The following ZNF829 variants were observed in gnomAD, a reference collection of about 807,000 sequenced individuals.
ZNF829 encodes the protein zinc finger protein 829.
A neutral mutation model predicts 35.2 loss-of-function variants in ZNF829; 25 were observed. That is an observed-to-expected ratio of 0.71 (90% CI 0.52 to 0.99). The LOEUF is 0.99. Among genes scored for constraint, ZNF829 ranks in the 50% least tolerant of loss-of-function variants. The pLI, the probability that ZNF829 is intolerant of heterozygous loss-of-function variation, is 0.00. For missense variants in ZNF829, 417 were observed against 515.3 expected, an observed-to-expected ratio of 0.81 and a Z score of 1.85; for synonymous variants, 136 against 163.2, an observed-to-expected ratio of 0.83 and a Z score of 1.27.
chr19:36,914,663 A>C (rs904589611), intron 3 of ZNF829, among the ~76,000 whole-genome samples: 3 of 152,240 alleles, frequency 2.0e-5, no homozygotes, highest in African/African-American at 7.2e-5. Flanking sequence ...AAAATGTAGA[A>C]CATCAAATGG....
rs1424152806 is a variant in ZNF829 at position 36,890,428 on chromosome 19, A to G, written c.*1064T>C. The G allele has an allele frequency of 6.6e-6, 1 of 152,116 alleles. No homozygotes were observed. Among genetic ancestry groups the G allele is most frequent in the Non-Finnish European group, 1.5e-5 (1 of 68,062 alleles). The allele number at this position is 152,116 out of a possible 1,614,324, so 9.4% of individuals were successfully genotyped here. ...TCTTAGGTCTAGTAGTATCTGTGTTATGGATCTGGGTGTTGCAGTGTTGGG... is the reference window on the plus strand; with the variant it reads ...TCTTAGGTCTAGTAGTATCTGTGTTGTGGATCTGGGTGTTGCAGTGTTGGG... On this transcript the variant is annotated 3_prime_UTR_variant, in exon 6 of 6. Transcript: ENST00000391711.
At chr19:36,907,750 C>T in intron 5 of ZNF829, 179 bp downstream of exon 5, 1 of 515,180 alleles carries the variant, frequency 1.9e-6, no homozygotes, top group Non-Finnish European at 3.4e-6. Flanking sequence ...ATAATTATAG[C>T]ATAATTGTAG....
intron 5 of ZNF829, among the ~76,000 whole-genome samples, chr19:36,903,929 A>G (rs1305655733): frequency 6.6e-6 from 1 of 152,216 alleles, no homozygotes; most frequent in Non-Finnish European, 1.5e-5. Context: ...AAACTGATAC[A>G]TAAAAAAGAC....
chr19:36,914,371 G>A (rs2073288354), intron 3 of ZNF829, among the ~76,000 whole-genome samples: 1 of 152,068 alleles, frequency 6.6e-6, no homozygotes, highest in South Asian at 2.1e-4. Context: ...ATCAATAAGA[G>A]CTATTCCAAG....
chr19:36,904,346 G>A (rs1036590099), intron 5 of ZNF829, among the ~76,000 whole-genome samples: 7 of 152,144 alleles, frequency 4.6e-5, no homozygotes, highest in Admixed American at 3.9e-4. Context: ...TTGATGAGAG[G>A]GACTGGGGCA....
intron 5 of ZNF829, chr19:36,902,112 A>C (rs2073171773): frequency 9.6e-6 from 4 of 416,888 alleles, no homozygotes; most frequent in Non-Finnish European, 8.7e-6. Context: ...AATGTGGATG[A>C]GAACTAATCA....
At chr19:36,912,012 C>T (rs1299834498) in intron 3 of ZNF829, among the ~76,000 whole-genome samples, 2 of 152,200 alleles carry the variant, frequency 1.3e-5, no homozygotes, top group Non-Finnish European at 2.9e-5. Context: ...CAAAAGAGAT[C>T]AACACCAAAA....
intron 3 of ZNF829, 59 bp from the exon 4 acceptor site, chr19:36,908,518 G>A: frequency 1.9e-6 from 3 of 1,548,554 alleles, no homozygotes; most frequent in Middle Eastern, 1.7e-4. Flanking sequence ...GGCGGTAGAG[G>A]TGGCAAGAAA....
chr19:36,892,917 T>C, intron 5 of ZNF829: 2 of 1,081,240 alleles, frequency 1.8e-6, no homozygotes, highest in Non-Finnish European at 2.4e-6. Context: ...AGGCAGGGGT[T>C]AAGCTGGAGG....
At chr19:36,899,758 CA>C (rs201383048) in intron 5 of ZNF829, among the ~76,000 whole-genome samples, 5,936 of 130,076 alleles carry the variant, frequency 0.046, 427 homozygotes, top group African/African-American at 0.16. Context: ...TTACCCTAAA[CA>C]AAAAAAAAAA....
At position 36,891,226 on chromosome 19, in the gene ZNF829, A is replaced by C. The variant is rs139624613; in HGVS notation, c.*266T>G. The C allele has an allele frequency of 5.7e-3, 1,907 of 337,460 alleles. 49 individuals carry two copies. Among genetic ancestry groups the C allele is most frequent in the Admixed American group, 0.043 (984 of 23,040 alleles). The allele number at this position is 337,460 out of a possible 1,614,324, so 20.9% of individuals were successfully genotyped here. A position where few individuals can be genotyped will look rare whatever the true frequency, so the allele number is the denominator to read the frequency against. ...CAGCTGTTAACAGAGGTTAGGAAAA[A>C]GGCATAGAACAGATCCTCAGAGTCC... On this transcript the variant is annotated 3_prime_UTR_variant, in exon 6 of 6. Transcript: ENST00000391711.
chr19:36,893,451 T>C (rs1254355983), intron 5 of ZNF829, among the ~76,000 whole-genome samples: 2 of 152,316 alleles, frequency 1.3e-5, no homozygotes, highest in Admixed American at 6.5e-5. Context: ...TGTCAACATA[T>C]AAACAGTGAG....
intron 5 of ZNF829, chr19:36,901,953 C>G: frequency 1.3e-6 from 1 of 757,338 alleles, no homozygotes. Context: ...CTCAACAAAG[C>G]TGTCTGGGCC....
In ZNF829 at chr19:36,914,264, C is replaced by T. The variant is rs968994475; in HGVS notation, c.96+701G>A. ...CAGCTTTTTAAAAATTAGAACTTAT[C>T]ATAAAATCATCTTACAGGAAATGAT... is the stretch of plus-strand genomic sequence containing the variant. On this transcript the variant is annotated intron_variant, in intron 3 of 5. Transcript: ENST00000391711. 2.0e-5 allele frequency among the ~76,000 whole-genome samples: 3 copies of T among 151,984 alleles called. No homozygotes were observed. The East Asian group carries it at 5.8e-4, about 29-fold the overall frequency.
At chr19:36,893,620 A>G (rs1245861647) in intron 5 of ZNF829, among the ~76,000 whole-genome samples, 1 of 152,196 alleles carries the variant, frequency 6.6e-6, no homozygotes, top group East Asian at 1.9e-4. Flanking sequence ...ATTATTATGA[A>G]AAAATGTCAT....
intron 3 of ZNF829, among the ~76,000 whole-genome samples, chr19:36,914,501 G>A (rs1377541661): frequency 6.6e-6 from 1 of 152,106 alleles, no homozygotes; most frequent in East Asian, 1.9e-4. Flanking sequence ...ACCTGTGGGG[G>A]TGGGCGGGTA....
intron 5 of ZNF829, among the ~76,000 whole-genome samples, chr19:36,896,487 A>C (rs1338804132): frequency 2.0e-5 from 3 of 152,100 alleles, no homozygotes; most frequent in South Asian, 2.1e-4. Context: ...TGTCTCAAAA[A>C]AACAACAACA....
intron 5 of ZNF829, among the ~76,000 whole-genome samples, chr19:36,896,396 T>C (rs978251356): frequency 6.6e-6 from 1 of 151,886 alleles, no homozygotes. Flanking sequence ...GGCAGGAGAA[T>C]TGCTTGAACC....
rs970447971 is a variant in ZNF829, at chr19:36,892,141, C to T, written c.650G>A (p.Cys217Tyr). Residue 217 changes from cysteine (C) to tyrosine (Y), a missense_variant, in exon 6 of 6, where the codon TGT (cysteine) becomes TAT (tyrosine). Physicochemically the swap from Cys to Tyr is radical, Grantham distance 194 (BLOSUM62 -2). Transcript: ENST00000391711. ...TGAACTACAACTAAAAGCCTTGCCA[C>T]ATTCCTTACATTCATAGGGTTTTTT... ...TGKKPYECKE[C>Y]GKAFSCSSYF... 2 of 1,614,058 alleles carry T rather than the reference C, an allele frequency of 1.2e-6. No homozygotes were observed. Among genetic ancestry groups the T allele is most frequent in the South Asian group, 1.1e-5 (1 of 91,060 alleles).
Sources: allele counts gnomAD v4.1 joint callset (sites outside exome capture counted in the v4.1 genomes callset), GRCh38; gene constraint gnomAD v4.1.1; transcripts MANE v1.5; gene names NCBI Gene and HGNC (gene_info 2026-07-23, HGNC 2026-07-21).